Variants in RPH3A observed in about 807,000 individuals in gnomAD.
The protein encoded by RPH3A is rabphilin-3A.
RPH3A carries 48 observed loss-of-function variants against 102.2 expected under a neutral mutation model. That is an observed-to-expected ratio of 0.47 (90% CI 0.37 to 0.60). The LOEUF is 0.60. RPH3A is among the 20% of genes least tolerant of loss of function. The pLI, the probability that RPH3A is intolerant of heterozygous loss-of-function variation, is 0.00. For missense variants in RPH3A, 781 were observed against 910.1 expected, an observed-to-expected ratio of 0.86 and a Z score of 1.83; for synonymous variants, 310 against 324.3, an observed-to-expected ratio of 0.96 and a Z score of 0.47.
intron 4 of RPH3A, among the ~76,000 whole-genome samples, chr12:112,838,226 A>G (rs966190949): frequency 2.6e-5 from 4 of 152,232 alleles, no homozygotes; most frequent in African/African-American, 4.8e-5. Flanking sequence ...GAGACAGAGG[A>G]GTTCCCAGTG....
chr12:112,828,510 G>A, intron 3 of RPH3A, 121 bp downstream of exon 3: 1 of 702,786 alleles, frequency 1.4e-6, no homozygotes. Flanking sequence ...GGAACCTAAT[G>A]GGAGTTTAGT....
chr12:112,789,775 C>A (rs899168203), upstream of RPH3A, among the ~76,000 whole-genome samples: 2 of 150,402 alleles, frequency 1.3e-5, no homozygotes, highest in African/African-American at 2.5e-5. Flanking sequence ...CTATGATTAC[C>A]ATCATGATGA....
chr12:112,702,694 G>A (rs2040402773), intron 1 of RPH3A, among the ~76,000 whole-genome samples: 1 of 152,220 alleles, frequency 6.6e-6, no homozygotes, highest in South Asian at 2.1e-4. Flanking sequence ...GGCCCCACTT[G>A]TAGGAGCCTT....
chr12:112,885,199 G>T (rs2042984780), intron 16 of RPH3A, among the ~76,000 whole-genome samples: 2 of 152,206 alleles, frequency 1.3e-5, no homozygotes, highest in African/African-American at 2.4e-5. Context: ...AGGTGCACAG[G>T]TGCACTTATT....
At chr12:112,716,328 T>C (rs1043129994) in intron 1 of RPH3A, among the ~76,000 whole-genome samples, 1 of 152,182 alleles carries the variant, frequency 6.6e-6, no homozygotes, top group Non-Finnish European at 1.5e-5. Context: ...CCTCTGACGA[T>C]GGGGTACTCA....
chr12:112,800,948 C>T (rs1212985685), intron 2 of RPH3A, among the ~76,000 whole-genome samples: 1 of 152,130 alleles, frequency 6.6e-6, no homozygotes, highest in Non-Finnish European at 1.5e-5. Flanking sequence ...TTCCCCTCTC[C>T]CCGGAAGAAA....
At chr12:112,774,312 G>A (rs985364826) in intron 1 of RPH3A, among the ~76,000 whole-genome samples, 3 of 152,178 alleles carry the variant, frequency 2.0e-5, no homozygotes, top group Non-Finnish European at 4.4e-5. Context: ...TCAAAGTTAA[G>A]TTTCCAGATT....
chr12:112,751,600 A>G (rs1255431808), intron 1 of RPH3A, among the ~76,000 whole-genome samples: 3 of 152,284 alleles, frequency 2.0e-5, no homozygotes, highest in Non-Finnish European at 2.9e-5. Context: ...GACTGTGCAT[A>G]AGAGTCAGAT....
At chr12:112,587,074 A>C (rs951147294) in intron 1 of RPH3A, among the ~76,000 whole-genome samples, 16 of 152,244 alleles carry the variant, frequency 1.1e-4, no homozygotes, top group African/African-American at 3.9e-4. Flanking sequence ...ATGAAGAAGA[A>C]TACATGTGCT....
chr12:112,601,221 T>C (rs771888601), intron 1 of RPH3A, among the ~76,000 whole-genome samples: 4 of 152,226 alleles, frequency 2.6e-5, no homozygotes, highest in African/African-American at 7.2e-5. Flanking sequence ...GTTGGCAGGC[T>C]GCAAGCACTT....
intron 1 of RPH3A, among the ~76,000 whole-genome samples, chr12:112,672,993 C>A (rs896147043): frequency 1.3e-5 from 2 of 152,018 alleles, no homozygotes; most frequent in African/African-American, 4.8e-5. Context: ...CTTGTGATTT[C>A]TTTGAGGTAT....
intron 1 of RPH3A, among the ~76,000 whole-genome samples, chr12:112,778,111 G>A (rs1280476979): frequency 6.6e-6 from 1 of 152,208 alleles, no homozygotes; most frequent in African/African-American, 2.4e-5. Context: ...ACCTTCTTCT[G>A]AGTTCCATCC....
At chr12:112,710,272 G>T (rs143872931) in intron 1 of RPH3A, among the ~76,000 whole-genome samples, 306 of 152,220 alleles carry the variant, frequency 2.0e-3, no homozygotes, top group African/African-American at 7.2e-3. Context: ...CACCGCGCCC[G>T]GCCTGGTTGC....
chr12:112,851,870 A>G (rs2042329376), intron 5 of RPH3A, among the ~76,000 whole-genome samples: 1 of 152,222 alleles, frequency 6.6e-6, no homozygotes, highest in Non-Finnish European at 1.5e-5. Context: ...CAGATTTTCT[A>G]TATTAGTTAG....
chr12:112,709,201 C>T (rs1232131413), intron 1 of RPH3A, among the ~76,000 whole-genome samples: 1 of 152,148 alleles, frequency 6.6e-6, no homozygotes, highest in Non-Finnish European at 1.5e-5. Context: ...GTTTAGGTAC[C>T]TGACCACTCT....
chr12:112,869,444 A>G (rs1019139364), intron 8 of RPH3A: 10 of 283,616 alleles, frequency 3.5e-5, no homozygotes, highest in Non-Finnish European at 6.5e-5. Context: ...GCCAACATAT[A>G]TTGCATCCCT....
intron 1 of RPH3A, among the ~76,000 whole-genome samples, chr12:112,681,188 T>C (rs577851303): frequency 4.6e-5 from 7 of 152,306 alleles, no homozygotes; most frequent in South Asian, 4.1e-4. Context: ...CAGAATCCCC[T>C]GTATGATCCT....
intron 1 of RPH3A, among the ~76,000 whole-genome samples, chr12:112,734,725 C>T (rs1484062180): frequency 6.6e-6 from 1 of 152,150 alleles, no homozygotes; most frequent in East Asian, 1.9e-4. Context: ...GAGGGTTCCT[C>T]TCCTTTTTAG....
At chr12:112,655,607 G>C (rs2040005967) in intron 1 of RPH3A, among the ~76,000 whole-genome samples, 1 of 104,698 alleles carries the variant, frequency 9.6e-6, no homozygotes, top group African/African-American at 3.8e-5. Flanking sequence ...GTCTTGCTCT[G>C]TCACCCAGGC....
Sources: allele counts gnomAD v4.1 joint callset (sites outside exome capture counted in the v4.1 genomes callset), GRCh38; gene constraint gnomAD v4.1.1; transcripts MANE v1.5; gene names NCBI Gene and HGNC (gene_info 2026-07-23, HGNC 2026-07-21).